GET4: variants seen among roughly 807,000 people sequenced by gnomAD.
GET4 encodes guided entry of tail-anchored proteins factor 4.
In GET4, 20 loss-of-function variants were observed where a neutral mutation model predicts 40.0. The observed-to-expected ratio is 0.50, with a 90% CI of 0.35 to 0.73. The LOEUF (loss-of-function observed/expected upper bound fraction) is 0.73. Ranked by LOEUF, GET4 falls within the 30% of genes least tolerant of loss-of-function variation. GET4 has a pLI of 0.01. For missense variants in GET4, 557 were observed against 454.0 expected (o/e 1.23, Z -2.06); for synonymous variants, 280 against 194.6 (o/e 1.44, Z -3.65).
chr7:889,689 G>T (rs1454882904), intron 4 of GET4, among the ~76,000 whole-genome samples: 5 of 147,696 alleles, frequency 3.4e-5, no homozygotes, highest in Non-Finnish European at 7.5e-5. Context: ...GGGGCGAGCG[G>T]GTGTTAGGAC....
In GET4 at chr7:894,267, G is replaced by A. The variant is rs115084251; in HGVS notation, c.895+296G>A. ...TGCGTGCTCCCCCGTCTCTCTGTGC[G>A]CCATGCTAGGTGGCCTCCGTGAGCC... On this transcript the variant is annotated intron_variant, in intron 8 of 8. Transcript: ENST00000265857. 5.3e-3 allele frequency among the ~76,000 whole-genome samples: 807 copies of A among 152,170 alleles called. 11 individuals are homozygous for A. Among genetic ancestry groups the A allele is most frequent in the African/African-American group, 0.019 (770 of 41,470 alleles).
chr7:878,945 C>A (rs1033466963), intron 1 of GET4, among the ~76,000 whole-genome samples: 3 of 146,596 alleles, frequency 2.0e-5, no homozygotes, highest in Non-Finnish European at 3.0e-5. Flanking sequence ...GTCCTGAATT[C>A]CCCCTTTGGA....
intron 3 of GET4, 145 bp from the exon 4 acceptor site, chr7:887,225 G>A (rs780523340): frequency 1.2e-6 from 1 of 847,820 alleles, no homozygotes; most frequent in Non-Finnish European, 2.1e-6. Context: ...GCTCAGTGTG[G>A]TGGTCCACGG....
intron 4 of GET4, among the ~76,000 whole-genome samples, chr7:890,063 T>C (rs375825038): frequency 1.2e-4 from 2 of 16,390 alleles, no homozygotes; most frequent in East Asian, 1.2e-3. Flanking sequence ...TAGGACGGGG[T>C]CTGGGAGTGG....
intron 4 of GET4, among the ~76,000 whole-genome samples, chr7:889,761 G>T (rs1239444489): frequency 8.8e-6 from 1 of 113,826 alleles, no homozygotes; most frequent in Non-Finnish European, 1.8e-5. Flanking sequence ...TGGAGGGAGC[G>T]CGAGCGGGTG....
At chr7:885,908 C>T in intron 1 of GET4, 148 bp from the exon 2 acceptor site, 1 of 648,984 alleles carries the variant, frequency 1.5e-6, no homozygotes, top group Admixed American at 2.4e-5. Context: ...AGACCCCCTC[C>T]ACGCAGCACC....
intron 1 of GET4, chr7:885,154 G>A (rs181386910): frequency 6.6e-6 from 1 of 152,204 alleles, no homozygotes; most frequent in South Asian, 2.1e-4. Flanking sequence ...AAGGACATTT[G>A]GCTCGCAGGC....
chr7:886,793 C>G, intron 3 of GET4, 143 bp downstream of exon 3: 1 of 650,150 alleles, frequency 1.5e-6, no homozygotes, highest in East Asian at 2.7e-5. Context: ...CAGTTCCCAC[C>G]CGGTCTCAGT....
intron 1 of GET4, among the ~76,000 whole-genome samples, chr7:879,448 G>C (rs998326081): frequency 1.3e-5 from 2 of 152,240 alleles, no homozygotes; most frequent in African/African-American, 4.8e-5. Context: ...ACCTGAACGG[G>C]CTGGGATGAG....
chr7:883,799 C>G (rs1312376972), intron 1 of GET4: 4 of 989,386 alleles, frequency 4.0e-6, no homozygotes, highest in Non-Finnish European at 4.8e-6. Context: ...CCAGAATTCT[C>G]CAGTACAGGA....
At position 888,743 on chromosome 7, in the gene GET4, G is replaced by A. The variant is rs1342725864; in HGVS notation, c.466+1224G>A. On this transcript the variant is annotated intron_variant, in intron 4 of 8. Coordinates refer to ENST00000265857, the MANE Select transcript of GET4 (RefSeq NM_015949.3). ...GGCCTCTGGCGACAGCAGGCCTTCC[G>A]TACTCCACCTGTCCCCCAGCCAGCA... is the stretch of plus-strand genomic sequence containing the variant. 4.6e-5 allele frequency among the ~76,000 whole-genome samples: 7 copies of A among 152,310 alleles called. No individual in the cohort carries two copies. In the East Asian group the frequency reaches 5.8e-4, roughly 13 times the overall value.
chr7:885,958 C>G, intron 1 of GET4, 98 bp from the exon 2 acceptor site: 1 of 778,524 alleles, frequency 1.3e-6, no homozygotes, highest in South Asian at 1.4e-5. Flanking sequence ...GCCACCTGTT[C>G]CTGGGCGCCT....
At chr7:887,896 C>G (rs578091609) in intron 4 of GET4, among the ~76,000 whole-genome samples, 3 of 152,194 alleles carry the variant, frequency 2.0e-5, no homozygotes, top group South Asian at 2.1e-4. Flanking sequence ...TCTGATGAAG[C>G]CTTTGCGGGG....
intron 4 of GET4, among the ~76,000 whole-genome samples, chr7:890,599 C>T (rs1311389508): frequency 5.3e-5 from 8 of 152,064 alleles, no homozygotes; most frequent in Non-Finnish European, 1.2e-4. Context: ...CTGTAAGTTG[C>T]TTCTGGTAGG....
intron 4 of GET4, among the ~76,000 whole-genome samples, chr7:890,472 G>A (rs912187043): frequency 3.9e-5 from 6 of 151,986 alleles, no homozygotes; most frequent in African/African-American, 1.5e-4. Context: ...GGAGTGGTGT[G>A]TGTTCATGAG....
At chr7:886,511 C>T (rs533466354) in intron 2 of GET4, 58 bp from the exon 3 acceptor site, 305 of 1,279,030 alleles carry the variant, frequency 2.4e-4, no homozygotes, top group Non-Finnish European at 2.1e-4. Flanking sequence ...CTTGTCTTTG[C>T]TGTCCTGAAC....
In GET4 at chr7:895,150, G is replaced by C. The variant is rs995064498; in HGVS notation, c.896-184G>C. Among the ~76,000 whole-genome samples, 17 of 152,038 alleles carry C rather than the reference G, an allele frequency of 1.1e-4. 1 individual carries two copies. The highest frequency in any genetic ancestry group is 4.1e-4 in the African/African-American group (17 of 41,384). On this transcript the variant is annotated intron_variant, in intron 8 of 8. Transcript: ENST00000265857. The stretch of plus-strand genomic sequence containing the variant: ...TCCATGTTTGAGTATCTCTGTGGTC[G>C]TCGGCTCCCTGGCCTCCAGAGTGTC...
At chr7:893,598 G>GTA (rs1185707968) in intron 6 of GET4, 142 bp from the exon 7 acceptor site, 1 of 498,582 alleles carries the variant, frequency 2.0e-6, no homozygotes, top group African/African-American at 6.4e-5. Flanking sequence ...TGTTGGGCAT[G>GTA]GGCGCGGTGT....
In GET4 at chr7:893,934, C is replaced by T. The variant is rs1313767693; in HGVS notation, c.858C>T (p.Val286=). The T allele has an allele frequency of 6.2e-7, 1 of 1,607,734 alleles. No homozygotes were observed. Residue 286 remains valine, a synonymous_variant, in exon 8 of 9, where the codon GTC becomes GTT. Transcript: ENST00000265857. ...LDRIGQLFFG[V]PPKQTSSYGG... ...GCATAGGACAGCTGTTCTTCGGCGT[C>T]CCGCCCAAGCAGACGTCTTCCTACG...
Sources: allele counts gnomAD v4.1 joint callset (sites outside exome capture counted in the v4.1 genomes callset), GRCh38; gene constraint gnomAD v4.1.1; transcripts MANE v1.5; gene names NCBI Gene and HGNC (gene_info 2026-07-23, HGNC 2026-07-21).